Variants in STK32A observed in about 807,000 individuals in gnomAD.
The protein encoded by STK32A is serine/threonine kinase 32A.
In STK32A, 41 loss-of-function variants were observed where a neutral mutation model predicts 53.2. The ratio of observed to expected loss-of-function variants is 0.77; its 90% CI spans 0.60 to 1.00. STK32A has a LOEUF of 1.00. Ranked by LOEUF, STK32A falls within the 50% of genes least tolerant of loss-of-function variation. STK32A has a pLI of 0.00. For missense variants in STK32A, 458 were observed against 485.8 expected (o/e 0.94, Z 0.54); for synonymous variants, 166 against 162.8 (o/e 1.02, Z -0.15).
intron 4 of STK32A, among the ~76,000 whole-genome samples, chr5:147,286,775 A>T (rs373461164): frequency 4.8e-4 from 73 of 152,296 alleles, no homozygotes; most frequent in African/African-American, 1.7e-3. Context: ...CTTCTTGGTC[A>T]GTTGTCACAG....
At chr5:147,279,521 G>A in intron 4 of STK32A, 123 bp downstream of exon 4, 2 of 822,770 alleles carry the variant, frequency 2.4e-6, no homozygotes, top group Non-Finnish European at 3.7e-6. Context: ...ACAATTGCAA[G>A]AAAGAGTTCA....
chr5:147,254,958 T>C (rs1011703016), intron 2 of STK32A, among the ~76,000 whole-genome samples: 2 of 152,062 alleles, frequency 1.3e-5, no homozygotes, highest in African/African-American at 4.8e-5. Flanking sequence ...GCTAACACGG[T>C]GAAACCCCGT....
At chr5:147,320,326 A>G (rs1349409745) in intron 4 of STK32A, among the ~76,000 whole-genome samples, 1 of 152,140 alleles carries the variant, frequency 6.6e-6, no homozygotes, top group East Asian at 1.9e-4. Flanking sequence ...ATGACTCCCA[A>G]ATAAGTGACT....
intron 5 of STK32A, among the ~76,000 whole-genome samples, chr5:147,341,185 T>C (rs1055387811): frequency 6.6e-6 from 1 of 152,194 alleles, no homozygotes; most frequent in African/African-American, 2.4e-5. Context: ...GTAGGGCTCC[T>C]CTGGGCCTCT....
chr5:147,293,191 ACAATTGAC>A (rs1175468210), intron 4 of STK32A, among the ~76,000 whole-genome samples: 2 of 152,356 alleles, frequency 1.3e-5, no homozygotes, highest in South Asian at 4.1e-4. Flanking sequence ...AGTTAAAGAC[ACAATTGAC>A]CAGGAAATTT....
intron 4 of STK32A, among the ~76,000 whole-genome samples, chr5:147,296,484 T>C (rs1384030775): frequency 2.0e-5 from 3 of 152,056 alleles, no homozygotes; most frequent in African/African-American, 7.3e-5. Flanking sequence ...ATGTGCAGTG[T>C]GTTTACTGAA....
intron 2 of STK32A, among the ~76,000 whole-genome samples, chr5:147,260,739 C>T (rs1385527213): frequency 6.6e-6 from 1 of 152,146 alleles, no homozygotes; most frequent in Admixed American, 6.5e-5. Flanking sequence ...GAATCAGGCC[C>T]CTCTTAGTGT....
chr5:147,286,261 T>A (rs1219361954), intron 4 of STK32A, among the ~76,000 whole-genome samples: 9 of 150,528 alleles, frequency 6.0e-5, no homozygotes, highest in Non-Finnish European at 1.5e-5. Flanking sequence ...CAATGGACTT[T>A]GGAGACTTAG....
At chr5:147,315,186 A>G (rs1366557926) in intron 4 of STK32A, among the ~76,000 whole-genome samples, 1 of 152,222 alleles carries the variant, frequency 6.6e-6, no homozygotes. Flanking sequence ...AAAGTTAAAC[A>G]TAGAGTTTCC....
intron 4 of STK32A, among the ~76,000 whole-genome samples, chr5:147,311,464 A>C (rs183841469): frequency 1.9e-4 from 29 of 152,298 alleles, no homozygotes; most frequent in African/African-American, 6.3e-4. Flanking sequence ...GCAGGGCACA[A>C]AATTCTTTGT....
intron 6 of STK32A, among the ~76,000 whole-genome samples, chr5:147,346,636 G>C (rs1051346690): frequency 5.9e-5 from 9 of 152,170 alleles, no homozygotes; most frequent in Admixed American, 2.0e-4. Flanking sequence ...TTCAGAGCAA[G>C]ATGACATTAG....
At chr5:147,394,904 C>G in the STK32A span, among the ~76,000 whole-genome samples, 1 of 152,126 alleles carries the variant, frequency 6.6e-6, no homozygotes, top group African/African-American at 2.4e-5. Context: ...TATCTTACTT[C>G]CTTCACATTT....
rs34762967 is a variant in STK32A at position 147,307,624 on chromosome 5, C to CAA, written c.261-16250_261-16249dup. Among the ~76,000 whole-genome samples the CAA allele has an allele frequency of 1.9e-3, 143 of 75,188 alleles. 1 individual carries two copies. The highest frequency in any genetic ancestry group is 4.4e-3 in the East Asian group (12 of 2,698). The allele number at this position is 75,188 out of a possible 152,430, so 49.3% of individuals were successfully genotyped here. A position where few individuals can be genotyped will look rare whatever the true frequency, so the allele number is the denominator to read the frequency against. On this transcript the variant is annotated intron_variant, in intron 4 of 12. Transcript: ENST00000397936. ...TGGGCGACAGATCCAGACGCTGTCT[C>CAA]AAAAAAAAAAAAAAAAAAAAAAAAA...
intron 11 of STK32A, among the ~76,000 whole-genome samples, chr5:147,378,918 G>T (rs1344165627): frequency 1.1e-5 from 1 of 90,148 alleles, no homozygotes; most frequent in African/African-American, 4.1e-5. Flanking sequence ...CCCTTATTTG[G>T]TTCCATATAC....
rs1260950780 is a variant in STK32A, at chr5:147,323,789, G to T, written c.261-109G>T. ...TAGACCACCTACTCCCAAAGTCTGA[G>T]CTCTTAGCTCAAGAACACTCTGCTC... On this transcript the variant is annotated intron_variant, in intron 4 of 12. Coordinates refer to ENST00000397936, the MANE Select transcript of STK32A (RefSeq NM_001112724.2). 3 of 939,136 alleles carry T rather than the reference G, an allele frequency of 3.2e-6. No individual in the cohort carries two copies. The African/African-American group carries it at 5.0e-5, about 16-fold the overall frequency. The allele number at this position is 939,136 out of a possible 1,614,324, so 58.2% of individuals were successfully genotyped here.
chr5:147,295,777 A>C (rs144337378), intron 4 of STK32A, among the ~76,000 whole-genome samples: 2 of 152,332 alleles, frequency 1.3e-5, no homozygotes, highest in African/African-American at 4.8e-5. Flanking sequence ...CAAGCCCTAA[A>C]CAATTGTTAG....
At chr5:147,286,632 A>G (rs1163663840) in intron 4 of STK32A, among the ~76,000 whole-genome samples, 1 of 152,106 alleles carries the variant, frequency 6.6e-6, no homozygotes. Context: ...CTACTGTTAC[A>G]TAAATGCATC....
At chr5:147,303,409 G>A (rs563686488) in intron 4 of STK32A, among the ~76,000 whole-genome samples, 7 of 152,108 alleles carry the variant, frequency 4.6e-5, no homozygotes, top group Non-Finnish European at 7.3e-5. Flanking sequence ...CTTCACGTGC[G>A]GGTGGAAGGG....
Position 147,373,854 on chromosome 5 carries a change from G to A in STK32A, c.903+560G>A, listed in dbSNP as rs1757113637. 2.0e-5 allele frequency among the ~76,000 whole-genome samples: 3 copies of A among 152,276 alleles called. No individual in the cohort carries two copies. In the South Asian group the frequency reaches 6.2e-4, roughly 32 times the overall value. Reference sequence around the variant, plus strand: ...TTCTGTGGTCTACTGCATTATGCTGGTAAGAGCCAGAGTCCAGAAGCTTAG... The same window carrying A: ...TTCTGTGGTCTACTGCATTATGCTGATAAGAGCCAGAGTCCAGAAGCTTAG... On this transcript the variant is annotated intron_variant, in intron 10 of 12. Coordinates refer to ENST00000397936, the MANE Select transcript of STK32A (RefSeq NM_001112724.2).
Sources: allele counts gnomAD v4.1 joint callset (sites outside exome capture counted in the v4.1 genomes callset), GRCh38; gene constraint gnomAD v4.1.1; transcripts MANE v1.5; gene names NCBI Gene and HGNC (gene_info 2026-07-23, HGNC 2026-07-21).